Variants in CSMD3 observed in about 807,000 individuals in gnomAD.
CSMD3 encodes the protein CUB and sushi domain-containing protein 3.
In CSMD3, 177 loss-of-function variants were observed where a neutral mutation model predicts 435.2. The observed-to-expected ratio is 0.41, with a 90% confidence interval of 0.36 to 0.46. CSMD3 has a LOEUF of 0.46. CSMD3 is among the 20% of genes least tolerant of loss of function. The probability of loss-of-function intolerance (pLI) is 0.34; values close to 1 mark genes in which losing one functional copy is unlikely to be tolerated. For synonymous variants in CSMD3, 1,656 were observed against 1,520.5 expected (o/e 1.09, Z -2.07); for missense variants, 4,265 against 4,504.6 (o/e 0.95, Z 1.52).
At chr8:113,131,161 T>TA (rs1383167503) in intron 4 of CSMD3, among the ~76,000 whole-genome samples, 1 of 151,976 alleles carries the variant, frequency 6.6e-6, no homozygotes, top group Non-Finnish European at 1.5e-5. Context: ...TGTGGTAGAA[T>TA]AAAAAAATCA....
At chr8:113,195,616 G>A (rs1466901111) in intron 3 of CSMD3, among the ~76,000 whole-genome samples, 2 of 150,152 alleles carry the variant, frequency 1.3e-5, no homozygotes, top group African/African-American at 4.9e-5. Flanking sequence ...GAAAGAGGAG[G>A]ATTCTCTAAT....
chr8:112,371,733 CA>C (rs1374989237), intron 38 of CSMD3, among the ~76,000 whole-genome samples: 1 of 151,636 alleles, frequency 6.6e-6, no homozygotes, highest in East Asian at 1.9e-4. Context: ...ACTAAAAATA[CA>C]AAAATTAGCC....
intron 13 of CSMD3, among the ~76,000 whole-genome samples, chr8:112,789,756 C>G (rs1373644421): frequency 1.3e-5 from 2 of 151,870 alleles, no homozygotes; most frequent in African/African-American, 2.4e-5. Context: ...TGACTTTGAT[C>G]CCACTAAATT....
At chr8:113,340,661 G>C (rs1273955180) in intron 1 of CSMD3, among the ~76,000 whole-genome samples, 1 of 151,984 alleles carries the variant, frequency 6.6e-6, no homozygotes, top group African/African-American at 2.4e-5. Flanking sequence ...GATCACTTGA[G>C]GCCAGGAGTT....
At chr8:112,899,623 A>G (rs866587418) in intron 10 of CSMD3, among the ~76,000 whole-genome samples, 1 of 104,630 alleles carries the variant, frequency 9.6e-6, no homozygotes, top group African/African-American at 3.5e-5. Flanking sequence ...ATATATATAT[A>G]TATATATATG....
At chr8:113,274,051 T>G (rs553810745) in intron 3 of CSMD3, among the ~76,000 whole-genome samples, 10 of 152,028 alleles carry the variant, frequency 6.6e-5, no homozygotes, top group Non-Finnish European at 1.3e-4. Context: ...TATTAAATAT[T>G]TTTGTAATTT....
intron 1 of CSMD3, among the ~76,000 whole-genome samples, chr8:113,405,535 A>G (rs2129690213): frequency 6.6e-6 from 1 of 151,718 alleles, no homozygotes; most frequent in East Asian, 1.9e-4. Flanking sequence ...TATAACAACA[A>G]ATTATAGTAA....
At chr8:112,814,506 G>A (rs1164288398) in intron 12 of CSMD3, among the ~76,000 whole-genome samples, 1 of 152,130 alleles carries the variant, frequency 6.6e-6, no homozygotes, top group Non-Finnish European at 1.5e-5. Flanking sequence ...ATTATGGCTG[G>A]GTGCAGTGGC....
Position 112,583,018 on chromosome 8 carries a change from C to A in CSMD3, c.3885+4048G>T, listed in dbSNP as rs181028015. ...CCTGGTCTATGTTATTCTGTTATAA[C>A]AGCTCACATGATCTAAGATGGTGGA... On this transcript the variant is annotated intron_variant, in intron 23 of 70. Coordinates refer to ENST00000297405, the MANE Select transcript of CSMD3 (RefSeq NM_198123.2). 4.6e-5 allele frequency among the ~76,000 whole-genome samples: 7 copies of A among 152,074 alleles called. No homozygotes were observed. The East Asian group carries it at 1.4e-3, about 30-fold the overall frequency.
chr8:112,548,854 C>A (rs1827422844), intron 27 of CSMD3, among the ~76,000 whole-genome samples: 1 of 151,840 alleles, frequency 6.6e-6, no homozygotes, highest in African/African-American at 2.4e-5. Flanking sequence ...AATTTCTATT[C>A]ATCTTAAAAA....
intron 13 of CSMD3, among the ~76,000 whole-genome samples, chr8:112,751,368 G>T (rs532260329): frequency 2.2e-4 from 33 of 152,058 alleles, no homozygotes; most frequent in Admixed American, 2.0e-3. Flanking sequence ...AAGAGGAGAG[G>T]AAAGAACACA....
At chr8:113,054,083 T>C (rs2088212627) in intron 5 of CSMD3, among the ~76,000 whole-genome samples, 3 of 152,182 alleles carry the variant, frequency 2.0e-5, no homozygotes, top group Admixed American at 1.3e-4. Context: ...TTTAGTTCAC[T>C]CTTGTTATGA....
At chr8:112,530,255 A>G (rs1316631149) in intron 27 of CSMD3, among the ~76,000 whole-genome samples, 1 of 152,184 alleles carries the variant, frequency 6.6e-6, no homozygotes, top group Non-Finnish European at 1.5e-5. Context: ...ATAATAGCTA[A>G]AATTTTCCCA....
intron 6 of CSMD3, among the ~76,000 whole-genome samples, chr8:112,987,146 T>C (rs1190423825): frequency 2.0e-5 from 3 of 152,180 alleles, no homozygotes; most frequent in South Asian, 2.1e-4. Flanking sequence ...ACAATATTAA[T>C]GCAAAAAAAT....
intron 3 of CSMD3, among the ~76,000 whole-genome samples, chr8:113,229,124 A>G (rs565097205): frequency 6.6e-6 from 1 of 151,768 alleles, no homozygotes; most frequent in African/African-American, 2.4e-5. Context: ...AATTTGACAG[A>G]CATATCAACA....
chr8:112,260,477 C>T (rs185939730), intron 61 of CSMD3, among the ~76,000 whole-genome samples: 55 of 152,172 alleles, frequency 3.6e-4, no homozygotes, highest in African/African-American at 1.1e-3. Flanking sequence ...ACAAAGATAG[C>T]GTTATTACAT....
At chr8:112,275,468 A>G (rs925408552) in intron 59 of CSMD3, among the ~76,000 whole-genome samples, 3 of 152,078 alleles carry the variant, frequency 2.0e-5, no homozygotes, top group Non-Finnish European at 4.4e-5. Flanking sequence ...AATCACTTGA[A>G]CCCAGGAGGC....
intron 56 of CSMD3, 81 bp from the exon 57 acceptor site, chr8:112,289,619 C>A (rs1236615303): frequency 1.1e-6 from 1 of 897,182 alleles, no homozygotes; most frequent in Non-Finnish European, 1.7e-6. Context: ...ATAGAACATA[C>A]CAGAAGTAAA....
At chr8:113,396,835 A>G (rs2094485717) in intron 1 of CSMD3, among the ~76,000 whole-genome samples, 1 of 152,084 alleles carries the variant, frequency 6.6e-6, no homozygotes, top group South Asian at 2.1e-4. Flanking sequence ...CATCACTACC[A>G]GATATATTAT....
Sources: gnomAD v4.1 joint callset for allele counts (sites outside exome capture counted in the v4.1 genomes callset) on GRCh38, gnomAD v4.1.1 for gene constraint, MANE v1.5 for transcripts, NCBI Gene and HGNC (gene_info 2026-07-23, HGNC 2026-07-21) for gene names.